The following DLG1 variants were observed in gnomAD, a reference collection of about 807,000 sequenced individuals.
DLG1 encodes the protein disks large homolog 1.
A neutral mutation model predicts 123.4 loss-of-function variants in DLG1; 42 were observed. The ratio of observed to expected loss-of-function variants is 0.34; its 90% CI spans 0.27 to 0.44. The LOEUF (loss-of-function observed/expected upper bound fraction) is 0.44, where lower values mean the gene tolerates loss of function less well. Ranked by LOEUF, DLG1 falls within the 20% of genes least tolerant of loss-of-function variation. The pLI, the probability that DLG1 is intolerant of heterozygous loss-of-function variation, is 1.00. For missense variants in DLG1, 942 were observed against 1,082.6 expected, an observed-to-expected ratio of 0.87 and a Z score of 1.82; for synonymous variants, 317 against 356.2, an observed-to-expected ratio of 0.89 and a Z score of 1.24.
rs575412942 is a variant in DLG1, at chr3:197,045,107, AT to A, written c.2576-379del. On this transcript the variant is annotated intron_variant, in intron 24 of 24. Transcript: ENST00000667157. ...CCATAGACAGGATGATGTAAGGATA[AT>A]TTTTTTTTTTTTTGGGGTAGGATCT... is the stretch of plus-strand genomic sequence containing the variant. 4.1e-3 allele frequency among the ~76,000 whole-genome samples: 587 copies of A among 144,162 alleles called. 1 individual carries two copies. Among genetic ancestry groups the A allele is most frequent in the Admixed American group, 5.1e-3 (73 of 14,338 alleles). 94.6% of individuals were successfully genotyped at this position (144,162 alleles called of 152,430 possible).
intron 5 of DLG1, among the ~76,000 whole-genome samples, chr3:197,154,570 G>A (rs1372829576): frequency 6.6e-6 from 1 of 151,688 alleles, no homozygotes; most frequent in Non-Finnish European, 1.5e-5. Context: ...AGCTACTCGG[G>A]AGGCTGAGGC....
intron 11 of DLG1, among the ~76,000 whole-genome samples, chr3:197,129,567 A>G (rs1030527038): frequency 1.3e-5 from 2 of 152,212 alleles, no homozygotes; most frequent in Non-Finnish European, 2.9e-5. Flanking sequence ...ATTTTCTTCA[A>G]GAACTTTTCC....
intron 4 of DLG1, among the ~76,000 whole-genome samples, chr3:197,248,660 A>G (rs990257049): frequency 2.6e-5 from 4 of 152,220 alleles, no homozygotes; most frequent in African/African-American, 9.6e-5. Flanking sequence ...TATCTGGGGT[A>G]GGACCACACA....
At chr3:197,055,373 C>G (rs1354418047) in intron 23 of DLG1, among the ~76,000 whole-genome samples, 2 of 152,102 alleles carry the variant, frequency 1.3e-5, no homozygotes, top group Non-Finnish European at 2.9e-5. Flanking sequence ...TTTATTTTTC[C>G]TTTGAATGGG....
intron 5 of DLG1, among the ~76,000 whole-genome samples, chr3:197,182,777 T>C (rs1052378500): frequency 6.6e-6 from 1 of 152,138 alleles, no homozygotes; most frequent in Non-Finnish European, 1.5e-5. Flanking sequence ...GAAATATGAA[T>C]ATTTCCTCAA....
At chr3:197,266,390 A>T (rs1761705269) in intron 4 of DLG1, among the ~76,000 whole-genome samples, 2 of 152,118 alleles carry the variant, frequency 1.3e-5, no homozygotes, top group South Asian at 4.1e-4. Context: ...AGACAAAAAT[A>T]AAAACGAAAC....
intron 4 of DLG1, among the ~76,000 whole-genome samples, chr3:197,195,759 A>G (rs1402802547): frequency 6.6e-6 from 1 of 152,088 alleles, no homozygotes; most frequent in Non-Finnish European, 1.5e-5. Context: ...TGTGGGGTGG[A>G]TGGCTACCTA....
intron 5 of DLG1, among the ~76,000 whole-genome samples, chr3:197,174,105 T>C (rs1425906216): frequency 6.6e-6 from 1 of 152,140 alleles, no homozygotes; most frequent in Non-Finnish European, 1.5e-5. Context: ...AAACATTTAT[T>C]TACAAAAACA....
intron 5 of DLG1, among the ~76,000 whole-genome samples, chr3:197,190,548 T>C (rs1027994713): frequency 1.3e-5 from 2 of 152,208 alleles, no homozygotes; most frequent in Non-Finnish European, 2.9e-5. Flanking sequence ...AAGGGTCAAC[T>C]ATAGTAGCCG....
chr3:197,055,931 C>T (rs1206109392), intron 23 of DLG1, among the ~76,000 whole-genome samples: 4 of 152,174 alleles, frequency 2.6e-5, no homozygotes, highest in Non-Finnish European at 5.9e-5. Flanking sequence ...AGCAAAGATT[C>T]CTGCTATTTG....
intron 4 of DLG1, among the ~76,000 whole-genome samples, chr3:197,206,266 T>G (rs1356821136): frequency 6.6e-6 from 1 of 152,186 alleles, no homozygotes; most frequent in Non-Finnish European, 1.5e-5. Flanking sequence ...CAGTATATAC[T>G]CTTGATTTTA....
At position 197,175,397 on chromosome 3, in the gene DLG1, T is replaced by C. The variant is rs1439821453; in HGVS notation, c.483+19028A>G. 2.2e-4 allele frequency among the ~76,000 whole-genome samples: 34 copies of C among 152,174 alleles called. 1 individual carries two copies. Among genetic ancestry groups the C allele is most frequent in the Admixed American group, 2.2e-3 (33 of 15,274 alleles). ...CTAAGTAAAATTTTCATGATAAAAA[T>C]TTAAGTTCTTCAGATATGTAAGAGT... is the stretch of plus-strand genomic sequence containing the variant. On this transcript the variant is annotated intron_variant, in intron 5 of 24. Coordinates refer to ENST00000667157, the MANE Select transcript of DLG1 (RefSeq NM_001366207.1).
At chr3:197,058,820 T>C (rs997607792) in intron 23 of DLG1, among the ~76,000 whole-genome samples, 5 of 152,276 alleles carry the variant, frequency 3.3e-5, no homozygotes, top group Non-Finnish European at 7.3e-5. Context: ...TTTTCGCCCC[T>C]ATGCAGCTGT....
At chr3:197,081,722 G>T (rs1751263435) in intron 16 of DLG1, among the ~76,000 whole-genome samples, 1 of 152,092 alleles carries the variant, frequency 6.6e-6, no homozygotes, top group Admixed American at 6.5e-5. Flanking sequence ...TTTTTGGAAG[G>T]ATACATAAGA....
chr3:197,220,227 A>G (rs1484558680), intron 4 of DLG1, among the ~76,000 whole-genome samples: 1 of 152,228 alleles, frequency 6.6e-6, no homozygotes, highest in Non-Finnish European at 1.5e-5. Flanking sequence ...TAAAAATTAG[A>G]AAGACACATA....
chr3:197,125,719 G>C (rs1387471588), intron 11 of DLG1, among the ~76,000 whole-genome samples: 1 of 152,186 alleles, frequency 6.6e-6, no homozygotes, highest in Non-Finnish European at 1.5e-5. Flanking sequence ...TAGTCAGAAA[G>C]AGATGAAGAA....
chr3:197,175,179 CAGTT>C (rs1330832334), intron 5 of DLG1, among the ~76,000 whole-genome samples: 1 of 152,140 alleles, frequency 6.6e-6, no homozygotes, highest in African/African-American at 2.4e-5. Flanking sequence ...ATTACCACAT[CAGTT>C]GGTTTAAAGT....
At chr3:197,075,379 G>A (rs1746547281) in intron 18 of DLG1, among the ~76,000 whole-genome samples, 1 of 117,244 alleles carries the variant, frequency 8.5e-6, no homozygotes, top group Admixed American at 8.9e-5. Flanking sequence ...ACTGCTACTT[G>A]CGTAGTATTC....
intron 23 of DLG1, among the ~76,000 whole-genome samples, chr3:197,052,428 C>G (rs1050363124): frequency 1.3e-5 from 2 of 152,116 alleles, no homozygotes; most frequent in South Asian, 2.1e-4. Context: ...GCACTCCAGT[C>G]TGGGTGACAG....
Sources: allele counts gnomAD v4.1 joint callset (sites outside exome capture counted in the v4.1 genomes callset), GRCh38; gene constraint gnomAD v4.1.1; transcripts MANE v1.5; gene names NCBI Gene and HGNC (gene_info 2026-07-23, HGNC 2026-07-21).